CSMD2: variants seen among roughly 807,000 people sequenced by gnomAD.
CSMD2 encodes the protein CUB and sushi domain-containing protein 2.
A neutral mutation model predicts 398.5 loss-of-function variants in CSMD2; 130 were observed. The observed-to-expected ratio is 0.33, with a 90% CI of 0.28 to 0.38. The LOEUF is 0.38. Ranked by LOEUF, CSMD2 falls within the 10% of genes least tolerant of loss-of-function variation. CSMD2 has a pLI of 1.00. For synonymous variants in CSMD2, 1,828 were observed against 1,908.5 expected (o/e 0.96, Z 1.10); for missense variants, 3,829 against 4,764.9 (o/e 0.80, Z 5.78).
intron 37 of CSMD2, 31 bp downstream of exon 37, chr1:33,622,136 C>T (rs752526135): frequency 8.4e-6 from 13 of 1,547,400 alleles, no homozygotes. Flanking sequence ...CCACCCTGAA[C>T]CCTGTACCAG....
intron 4 of CSMD2, among the ~76,000 whole-genome samples, chr1:33,927,699 G>A (rs1431747461): frequency 1.3e-5 from 2 of 151,984 alleles, no homozygotes; most frequent in Non-Finnish European, 2.9e-5. Flanking sequence ...TCCTGACATG[G>A]GCTAGGAGCA....
rs977068998 is a variant in CSMD2 at position 33,705,248 on chromosome 1, G to A, written c.3576+3841C>T. On this transcript the variant is annotated intron_variant, in intron 22 of 70. Coordinates refer to ENST00000373381, the MANE Select transcript of CSMD2 (RefSeq NM_001281956.2). ...CCTCAAATACTTATCTTTTTCTGTG[G>A]TGAGAACATTTGAAATTTACTCTTT... Among the ~76,000 whole-genome samples, 5 of 151,994 alleles carry A rather than the reference G, an allele frequency of 3.3e-5. No individual in the cohort carries two copies. The South Asian group carries it at 6.2e-4, about 19-fold the overall frequency.
Position 33,605,384 on chromosome 1 carries a change from T to A in CSMD2, c.6430A>T (p.Thr2144Ser). The change falls in exon 42 of 71, where the codon ACC becomes TCC. Residue 2144 changes from threonine (T) to serine (S), a missense_variant. Thr to Ser is a moderately conservative substitution (Grantham distance 58). Coordinates refer to ENST00000373381, the MANE Select transcript of CSMD2 (RefSeq NM_001281956.2). ...GAGYNVGQSV[T>S]FECLPGYQLT... The stretch of plus-strand genomic sequence containing the variant: ...TGATACCCCGGGAGGCACTCGAAGG[T>A]CACTGATTGTCCCACGTTGTAGCCA... 6.2e-7 allele frequency: 1 copy of A among 1,614,170 alleles called. No individual in the cohort carries two copies. The highest frequency in any genetic ancestry group is 1.1e-5 in the South Asian group (1 of 91,072).
chr1:33,906,783 C>T (rs1643116724), intron 5 of CSMD2, among the ~76,000 whole-genome samples: 1 of 151,928 alleles, frequency 6.6e-6, no homozygotes, highest in Admixed American at 6.6e-5. Flanking sequence ...GGCTAGGGAG[C>T]CATATTTGGG....
At chr1:33,844,552 C>T (rs948273205) in intron 6 of CSMD2, among the ~76,000 whole-genome samples, 1 of 152,184 alleles carries the variant, frequency 6.6e-6, no homozygotes, top group Non-Finnish European at 1.5e-5. Context: ...CTAGAAAAAG[C>T]AGGTTTCAAG....
chr1:33,600,563 A>C, intron 44 of CSMD2: 1 of 533,480 alleles, frequency 1.9e-6, no homozygotes. Context: ...GCACAGGTAT[A>C]GGGATGATCC....
At chr1:33,623,219 TCTC>T (rs1291811217) in intron 36 of CSMD2, 148 bp downstream of exon 36, 1 of 631,184 alleles carries the variant, frequency 1.6e-6, no homozygotes, top group African/African-American at 1.8e-5. Context: ...ACCTTTCGAA[TCTC>T]CTGAAAACCA....
intron 5 of CSMD2, among the ~76,000 whole-genome samples, chr1:33,913,965 A>G (rs893699622): frequency 3.9e-5 from 6 of 152,114 alleles, no homozygotes; most frequent in Admixed American, 2.6e-4. Flanking sequence ...GATGGGCTGG[A>G]GATCACTTCT....
chr1:34,108,021 T>C (rs1298925664), intron 1 of CSMD2, among the ~76,000 whole-genome samples: 2 of 152,212 alleles, frequency 1.3e-5, no homozygotes, highest in African/African-American at 4.8e-5. Context: ...ACACAAGGCT[T>C]GGCATTTCAT....
At chr1:33,601,807 C>T (rs1005135315) in intron 43 of CSMD2, among the ~76,000 whole-genome samples, 2 of 152,240 alleles carry the variant, frequency 1.3e-5, no homozygotes, top group African/African-American at 2.4e-5. Flanking sequence ...TGGCTATTTA[C>T]ATTTAAATTA....
At chr1:33,823,995 G>T (rs1016728263) in intron 7 of CSMD2, among the ~76,000 whole-genome samples, 4 of 152,082 alleles carry the variant, frequency 2.6e-5, no homozygotes, top group African/African-American at 9.7e-5. Flanking sequence ...TGAAGTCCTA[G>T]GTCAACAAGA....
intron 25 of CSMD2, among the ~76,000 whole-genome samples, chr1:33,668,404 C>T (rs1557700754): frequency 1.3e-5 from 2 of 152,236 alleles, no homozygotes; most frequent in Non-Finnish European, 2.9e-5. Flanking sequence ...GGGGCTGCCA[C>T]AGGGGGCCAG....
intron 5 of CSMD2, among the ~76,000 whole-genome samples, chr1:33,852,376 T>C (rs1638772964): frequency 6.6e-6 from 1 of 152,256 alleles, no homozygotes; most frequent in Non-Finnish European, 1.5e-5. Flanking sequence ...AGCTTTTTAA[T>C]GTCTTTCCTC....
chr1:33,882,946 A>G (rs1166378871), intron 5 of CSMD2, among the ~76,000 whole-genome samples: 3 of 152,166 alleles, frequency 2.0e-5, no homozygotes, highest in Non-Finnish European at 2.9e-5. Flanking sequence ...TATCTTACTC[A>G]TCACAGGCTT....
chr1:33,725,487 T>G lies in CSMD2; in HGVS notation c.2557A>C (p.Thr853Pro). ...ACCCCGATCAAGGGCGCTGAGTAAG[T>G]CCGCCCATCGCGTACTTCCAGGGTG... Reference protein sequence around the residue: ...YDTLEVRDGRTYSAPLIGVYH... With the variant: ...YDTLEVRDGRPYSAPLIGVYH... Residue 853 changes from threonine to proline, a missense_variant, in exon 17 of 71, where the codon ACT (threonine) becomes CCT (proline). This residue lies in a region of CSMD2 where 2,001 missense variants were observed against 2,567.1 expected (regional missense o/e 0.78). Coordinates refer to ENST00000373381, the MANE Select transcript of CSMD2 (RefSeq NM_001281956.2). 6.2e-7 allele frequency: 1 copy of G among 1,614,222 alleles called. No individual in the cohort carries two copies.
At chr1:33,746,795 A>T (rs1045888873) in intron 13 of CSMD2, among the ~76,000 whole-genome samples, 5 of 152,168 alleles carry the variant, frequency 3.3e-5, no homozygotes, top group East Asian at 1.9e-4. Flanking sequence ...AATGGTTGAA[A>T]CCATTCTGAA....
At chr1:33,604,382 G>T (rs894973584) in intron 42 of CSMD2, among the ~76,000 whole-genome samples, 2 of 152,210 alleles carry the variant, frequency 1.3e-5, no homozygotes, top group African/African-American at 4.8e-5. Context: ...TCGCAAACAA[G>T]GTCCTCTTTC....
intron 40 of CSMD2, among the ~76,000 whole-genome samples, chr1:33,612,170 G>A (rs1037483012): frequency 1.3e-5 from 2 of 152,214 alleles, no homozygotes; most frequent in Non-Finnish European, 1.5e-5. Context: ...ACATGGTAAC[G>A]CTGGGAGACT....
At chr1:34,032,886 T>C (rs1650635262) in intron 2 of CSMD2, among the ~76,000 whole-genome samples, 180 bp from the exon 3 acceptor site, 1 of 152,298 alleles carries the variant, frequency 6.6e-6, no homozygotes, top group South Asian at 2.1e-4. Context: ...CCCAGAAACA[T>C]GAGGAAGTGA....
Sources: allele counts gnomAD v4.1 joint callset (sites outside exome capture counted in the v4.1 genomes callset), GRCh38; gene constraint gnomAD v4.1.1; regional missense constraint gnomAD v4.1.1; transcripts MANE v1.5; gene names NCBI Gene and HGNC (gene_info 2026-07-23, HGNC 2026-07-21).